Variants in TENM2 observed in about 807,000 individuals in gnomAD.
TENM2 encodes the protein teneurin transmembrane protein 2, also known as teneurin-2.
Under a neutral mutation model 245.2 loss-of-function variants are expected in TENM2, and 52 were observed. That is an observed-to-expected ratio of 0.21 (90% CI 0.17 to 0.27). The LOEUF is 0.27. TENM2 is among the 10% of genes least tolerant of loss of function. The pLI is 1.00. For synonymous variants in TENM2, 1,363 were observed against 1,438.9 expected (o/e 0.95, Z 1.19); for missense variants, 3,046 against 3,666.8 (o/e 0.83, Z 4.37).
At chr5:168,210,026 T>C (rs1272861452) in intron 19 of TENM2, among the ~76,000 whole-genome samples, 1 of 152,126 alleles carries the variant, frequency 6.6e-6, no homozygotes, top group Non-Finnish European at 1.5e-5. Flanking sequence ...AACACCACTT[T>C]TTCCTCAAAG....
At chr5:167,707,263 T>C (rs552186929) in intron 2 of TENM2, among the ~76,000 whole-genome samples, 2 of 152,132 alleles carry the variant, frequency 1.3e-5, no homozygotes, top group African/African-American at 2.4e-5. Context: ...CAGGTTGTTA[T>C]GGTTTTTGCT....
At chr5:166,985,677 C>T in the TENM2 span, among the ~76,000 whole-genome samples, 5 of 151,936 alleles carry the variant, frequency 3.3e-5, no homozygotes, top group African/African-American at 1.2e-4. Context: ...CTTAATTATC[C>T]ATTGGCAAAT....
intron 2 of TENM2, among the ~76,000 whole-genome samples, chr5:167,432,217 A>G (rs1764296816): frequency 6.6e-6 from 1 of 151,588 alleles, no homozygotes; most frequent in South Asian, 2.1e-4. Context: ...CTCATCATCA[A>G]CGTGAACTCG....
At chr5:167,195,984 C>T in the TENM2 span, among the ~76,000 whole-genome samples, 1 of 151,860 alleles carries the variant, frequency 6.6e-6, no homozygotes, top group African/African-American at 2.4e-5. Context: ...TCAATGGTTA[C>T]CATCACTCGT....
intron 1 of TENM2, among the ~76,000 whole-genome samples, chr5:167,344,276 G>C (rs1393342615): frequency 7.3e-6 from 1 of 137,016 alleles, no homozygotes; most frequent in Non-Finnish European, 1.5e-5. Flanking sequence ...ACACATGCAC[G>C]TGCACGCACA....
At chr5:168,115,359 G>GGGAAAGAA (rs1794980508) in intron 9 of TENM2, among the ~76,000 whole-genome samples, 1 of 71,598 alleles carries the variant, frequency 1.4e-5, no homozygotes, top group Admixed American at 1.8e-4. Context: ...AGGGAAGGAA[G>GGGAAAGAA]GGAAGGAAGG....
intron 2 of TENM2, among the ~76,000 whole-genome samples, chr5:167,853,132 C>CA (rs562404943): frequency 0.013 from 1,919 of 150,072 alleles, 42 homozygotes; most frequent in African/African-American, 0.043. Context: ...TAAAAAAATA[C>CA]AAAAAAAATT....
rs1764407076 is a variant in TENM2 at position 167,784,207 on chromosome 5, G to A, written c.503-91779G>A. Among the ~76,000 whole-genome samples the A allele has an allele frequency of 2.0e-5, 3 of 152,256 alleles. No homozygotes were observed. The East Asian group carries it at 5.8e-4, about 29-fold the overall frequency. The stretch of plus-strand genomic sequence containing the variant: ...GTCATTAATGAGTTTTTAGACTTTG[G>A]AAAAATTGCTTAATCTCTGCAGCTT... On this transcript the variant is annotated intron_variant, in intron 2 of 28. Coordinates refer to ENST00000518659, the Ensembl canonical transcript of TENM2.
chr5:167,142,617 C>T, the TENM2 span, among the ~76,000 whole-genome samples: 1 of 152,176 alleles, frequency 6.6e-6, no homozygotes, highest in Non-Finnish European at 1.5e-5. Context: ...GTGGCACGAT[C>T]TCGGCTCACT....
intron 5 of TENM2, among the ~76,000 whole-genome samples, chr5:168,037,578 T>C (rs1787824943): frequency 6.6e-6 from 1 of 150,380 alleles, no homozygotes; most frequent in Admixed American, 6.6e-5. Context: ...ACAGGTTATT[T>C]TGTTCATGCC....
intron 2 of TENM2, among the ~76,000 whole-genome samples, chr5:167,685,668 C>A (rs1320866672): frequency 6.6e-6 from 1 of 152,150 alleles, no homozygotes; most frequent in Admixed American, 6.5e-5. Flanking sequence ...TTACCCTGAA[C>A]ATCATCAAAA....
intron 12 of TENM2, among the ~76,000 whole-genome samples, chr5:168,151,425 G>T (rs1259878133): frequency 6.6e-5 from 10 of 152,170 alleles, no homozygotes; most frequent in African/African-American, 2.4e-4. Flanking sequence ...AGACCTTTCT[G>T]CCATCATTGG....
intron 2 of TENM2, among the ~76,000 whole-genome samples, chr5:167,510,506 TTTG>T (rs1226993978): frequency 6.6e-6 from 1 of 152,104 alleles, no homozygotes; most frequent in African/African-American, 2.4e-5. Context: ...GGATCAGCAG[TTTG>T]TTTTATACCA....
intron 2 of TENM2, among the ~76,000 whole-genome samples, chr5:167,815,682 T>C (rs1462044776): frequency 6.6e-6 from 1 of 152,126 alleles, no homozygotes; most frequent in Admixed American, 6.6e-5. Context: ...CTGTCCTCCC[T>C]AGCAATAGGA....
chr5:167,354,884 T>C (rs533936028), intron 1 of TENM2, among the ~76,000 whole-genome samples: 1 of 152,282 alleles, frequency 6.6e-6, no homozygotes, highest in African/African-American at 2.4e-5. Context: ...TCCTTTTACT[T>C]TCAAAAGAAT....
At chr5:167,322,400 C>T (rs1348347632) in intron 1 of TENM2, among the ~76,000 whole-genome samples, 1 of 152,092 alleles carries the variant, frequency 6.6e-6, no homozygotes, top group Admixed American at 6.6e-5. Flanking sequence ...CTAGGAAACA[C>T]CACCCAAACA....
intron 2 of TENM2, among the ~76,000 whole-genome samples, chr5:167,589,906 A>G (rs1038407384): frequency 4.3e-4 from 65 of 151,808 alleles, no homozygotes; most frequent in African/African-American, 1.6e-3. Flanking sequence ...ATTTGGAAAC[A>G]ATATACAAAC....
intron 2 of TENM2, among the ~76,000 whole-genome samples, chr5:167,732,915 A>T (rs996117031): frequency 1.3e-5 from 2 of 152,208 alleles, no homozygotes; most frequent in Non-Finnish European, 2.9e-5. Flanking sequence ...TAACCATGCC[A>T]TGTGTTCACT....
chr5:167,322,543 T>A (rs1756826395), intron 1 of TENM2, among the ~76,000 whole-genome samples: 1 of 152,232 alleles, frequency 6.6e-6, no homozygotes, highest in South Asian at 2.1e-4. Flanking sequence ...CCAAATGAGA[T>A]GGCTCATATG....
Sources: allele counts gnomAD v4.1 joint callset (sites outside exome capture counted in the v4.1 genomes callset), GRCh38; gene constraint gnomAD v4.1.1; transcripts MANE v1.5; gene names NCBI Gene and HGNC (gene_info 2026-07-23, HGNC 2026-07-21).